Variants in HOOK3 observed in about 807,000 individuals in gnomAD.
The protein encoded by HOOK3 is hook microtubule tethering protein 3.
In HOOK3, 24 loss-of-function variants were observed where a neutral mutation model predicts 116.3. The observed-to-expected ratio is 0.21, with a 90% confidence interval of 0.15 to 0.29. HOOK3 has a LOEUF of 0.29. Ranked by LOEUF, HOOK3 falls within the 10% of genes least tolerant of loss-of-function variation. The pLI, the probability that HOOK3 is intolerant of heterozygous loss-of-function variation, is 1.00. For missense variants in HOOK3, 632 were observed against 830.2 expected (o/e 0.76, Z 2.93); for synonymous variants, 275 against 283.0 (o/e 0.97, Z 0.28).
rs554830615 is a variant in HOOK3, at chr8:43,008,881, G to A, written c.1738+952G>A. 2.2e-3 allele frequency among the ~76,000 whole-genome samples: 330 copies of A among 150,408 alleles called. 3 individuals are homozygous for A. Among genetic ancestry groups the A allele is most frequent in the South Asian group, 0.011 (52 of 4,754 alleles). On this transcript the variant is annotated intron_variant, in intron 18 of 21. Transcript: ENST00000307602. Reference sequence around the variant, plus strand: ...TCACCGTTTTAGCCGGGATGGTCTCGATCTCCTGACCTCGTGATCCGCCCG... The same window carrying A: ...TCACCGTTTTAGCCGGGATGGTCTCAATCTCCTGACCTCGTGATCCGCCCG...
At chr8:42,943,475 T>TA in intron 5 of HOOK3, 30 bp downstream of exon 5, 1 of 1,380,260 alleles carries the variant, frequency 7.2e-7, no homozygotes, top group Non-Finnish European at 9.5e-7. Flanking sequence ...TGTTTGCATT[T>TA]AAAATAATGA....
chr8:42,947,030 A>G (rs1808244355), intron 5 of HOOK3, among the ~76,000 whole-genome samples: 1 of 152,034 alleles, frequency 6.6e-6, no homozygotes, highest in Admixed American at 6.6e-5. Flanking sequence ...CGGCCTCCCA[A>G]AGCTCTGGGA....
intron 3 of HOOK3, among the ~76,000 whole-genome samples, chr8:42,929,419 C>A (rs73635362): frequency 0.047 from 7,193 of 152,254 alleles, 342 homozygotes; most frequent in African/African-American, 0.12. Flanking sequence ...CAACTACAGA[C>A]ACCACCCAGG....
chr8:43,019,266 A>G lies in HOOK3; in HGVS notation c.*768A>G, dbSNP rs1356635792. The stretch of plus-strand genomic sequence containing the variant: ...AAGAAAAAAAATTAGACACTGCATT[A>G]ATTTCTTGTTCTTTTGGAATATCTT... On this transcript the variant is annotated 3_prime_UTR_variant, in exon 22 of 22. Transcript: ENST00000307602. 1 of 213,156 alleles carries G rather than the reference A, an allele frequency of 4.7e-6. No homozygotes were observed. The highest frequency in any genetic ancestry group is 9.5e-6 in the Non-Finnish European group (1 of 105,716). The allele number at this position is 213,156 out of a possible 1,614,324, so 13.2% of individuals were successfully genotyped here.
rs201346594 is a variant in HOOK3 at position 42,982,614 on chromosome 8, T to C, written c.1322-13T>C. 1.8e-4 allele frequency: 282 copies of C among 1,579,366 alleles called. No homozygotes were observed. The highest frequency in any genetic ancestry group is 1.7e-4 in the Middle Eastern group (1 of 6,046). ...TTTCCATTAGCCTTATATTTATGTT[T>C]GTATATTTACAGGGTTAATGCCTCT... On this transcript the variant is annotated splice_polypyrimidine_tract_variant and intron_variant, in intron 13 of 21. Coordinates refer to ENST00000307602, the MANE Select transcript of HOOK3 (RefSeq NM_032410.4).
intron 15 of HOOK3, among the ~76,000 whole-genome samples, chr8:42,996,536 T>A (rs1809272386): frequency 6.6e-6 from 1 of 152,198 alleles, no homozygotes. Flanking sequence ...TTGTATTCCA[T>A]ACAGGGTTGT....
intron 13 of HOOK3, among the ~76,000 whole-genome samples, chr8:42,982,317 G>GAT (rs1808967603): frequency 6.6e-6 from 1 of 151,522 alleles, no homozygotes; most frequent in Non-Finnish European, 1.5e-5. Flanking sequence ...GTTACCAGGG[G>GAT]ATAGGGGAGG....
intron 2 of HOOK3, among the ~76,000 whole-genome samples, chr8:42,913,797 T>G (rs1221080409): frequency 6.6e-6 from 1 of 152,184 alleles, no homozygotes; most frequent in East Asian, 1.9e-4. Flanking sequence ...AGGTCAGTCT[T>G]TTCATTTTAG....
chr8:43,030,090 G>T lies in HOOK3; in HGVS notation c.*11592G>T, dbSNP rs1810002227. 4.8e-6 allele frequency: 1 copy of T among 210,094 alleles called. No homozygotes were observed. The highest frequency in any genetic ancestry group is 2.3e-5 in the African/African-American group (1 of 44,038). The allele number at this position is 210,094 out of a possible 1,614,324, so 13.0% of individuals were successfully genotyped here. A position where few individuals can be genotyped will look rare whatever the true frequency, so the allele number is the denominator to read the frequency against. On this transcript the variant is annotated 3_prime_UTR_variant, in exon 22 of 22. Transcript: ENST00000307602. ...ACTTCAAAAATGAAATACAGATTTA[G>T]CAGTGTTGTACATAATGATGTCCAA... is the stretch of plus-strand genomic sequence containing the variant.
At chr8:42,940,365 GC>G (rs1808087000) in intron 4 of HOOK3, among the ~76,000 whole-genome samples, 1 of 152,218 alleles carries the variant, frequency 6.6e-6, no homozygotes, top group African/African-American at 2.4e-5. Context: ...GCCCGCAATC[GC>G]AGGCACTCGG....
chr8:42,899,041 C>T (rs1807126567), intron 1 of HOOK3, among the ~76,000 whole-genome samples: 1 of 152,052 alleles, frequency 6.6e-6, no homozygotes, highest in African/African-American at 2.4e-5. Context: ...GTGTATCTTG[C>T]ATCATTGTAA....
intron 6 of HOOK3, among the ~76,000 whole-genome samples, chr8:42,956,005 C>T (rs1808426429): frequency 6.6e-6 from 1 of 152,126 alleles, no homozygotes; most frequent in African/African-American, 2.4e-5. Context: ...GTAGCTGGAA[C>T]TAAAGGATGC....
chr8:42,922,187 G>C (rs1807669917), intron 2 of HOOK3, among the ~76,000 whole-genome samples: 1 of 152,066 alleles, frequency 6.6e-6, no homozygotes, highest in African/African-American at 2.4e-5. Context: ...CTCTCGATTA[G>C]GCAGGAGCTT....
At chr8:42,929,135 T>G (rs1325517455) in intron 3 of HOOK3, among the ~76,000 whole-genome samples, 1 of 152,188 alleles carries the variant, frequency 6.6e-6, no homozygotes, top group Non-Finnish European at 1.5e-5. Context: ...TAGTTGATTT[T>G]CAAGGCATCT....
chr8:42,918,014 A>G (rs1006564617), intron 2 of HOOK3, among the ~76,000 whole-genome samples: 9 of 152,230 alleles, frequency 5.9e-5, no homozygotes, highest in African/African-American at 1.9e-4. Context: ...AAAATTTGCT[A>G]GTAAAGATGC....
Position 43,016,912 on chromosome 8 carries a change from G to A in HOOK3, c.2017-1446G>A, listed in dbSNP as rs146465701. Among the ~76,000 whole-genome samples the A allele has an allele frequency of 4.3e-3, 654 of 152,200 alleles. 13 individuals are homozygous for A. The highest frequency in any genetic ancestry group is 0.034 in the Admixed American group (524 of 15,282). The stretch of plus-strand genomic sequence containing the variant: ...GCTGAGGTTGGGCGCATGGGCTCAC[G>A]CCTGTAATTCCAGTACTTTGAGTGG... On this transcript the variant is annotated intron_variant, in intron 21 of 21. Transcript: ENST00000307602.
At chr8:42,993,476 A>G (rs1439194899) in intron 15 of HOOK3, among the ~76,000 whole-genome samples, 2 of 151,802 alleles carry the variant, frequency 1.3e-5, no homozygotes, top group Non-Finnish European at 2.9e-5. Context: ...TTTTCTTTTG[A>G]TGTGTCTTTG....
chr8:42,971,643 T>C (rs1808729954), intron 11 of HOOK3, among the ~76,000 whole-genome samples: 2 of 152,136 alleles, frequency 1.3e-5, no homozygotes, highest in Non-Finnish European at 2.9e-5. Context: ...CTGGTTATTT[T>C]TGATGGTCTC....
intron 15 of HOOK3, among the ~76,000 whole-genome samples, chr8:42,990,155 C>G (rs747150171): frequency 7.3e-5 from 11 of 151,710 alleles, no homozygotes; most frequent in Non-Finnish European, 1.3e-4. Context: ...ACCACCATGC[C>G]TGGCTGATTT....
Sources: allele counts gnomAD v4.1 joint callset (sites outside exome capture counted in the v4.1 genomes callset), GRCh38; gene constraint gnomAD v4.1.1; transcripts MANE v1.5; gene names NCBI Gene and HGNC (gene_info 2026-07-23, HGNC 2026-07-21).